Variants in SEMA5A observed in about 807,000 individuals in gnomAD.
SEMA5A encodes semaphorin 5A, also known as semaphorin-5A.
SEMA5A carries 55 observed loss-of-function variants against 135.5 expected under a neutral mutation model. That is an observed-to-expected ratio of 0.41 (90% CI 0.33 to 0.51). The LOEUF (loss-of-function observed/expected upper bound fraction) is 0.51. Among genes scored for constraint, SEMA5A ranks in the 20% least tolerant of loss-of-function variants. The pLI is 0.37. For synonymous variants in SEMA5A, 580 were observed against 546.5 expected (o/e 1.06, Z -0.85); for missense variants, 1,290 against 1,419.9 (o/e 0.91, Z 1.47).
chr5:9,407,766 T>A (rs1430941223), intron 2 of SEMA5A, among the ~76,000 whole-genome samples: 1 of 152,204 alleles, frequency 6.6e-6, no homozygotes, highest in Non-Finnish European at 1.5e-5. Context: ...TCCTTATCAG[T>A]TGATGCAGTG....
At chr5:9,097,191 T>A (rs541731662) in intron 16 of SEMA5A, among the ~76,000 whole-genome samples, 2 of 152,284 alleles carry the variant, frequency 1.3e-5, no homozygotes, top group African/African-American at 4.8e-5. Flanking sequence ...GCCTCACAAG[T>A]AGTAATACTG....
chr5:9,348,126 A>G (rs1753957975), intron 3 of SEMA5A, among the ~76,000 whole-genome samples: 1 of 152,218 alleles, frequency 6.6e-6, no homozygotes, highest in Non-Finnish European at 1.5e-5. Flanking sequence ...AAGTGCAAAG[A>G]GACACTAGTG....
chr5:9,292,363 A>T (rs1048541530), intron 5 of SEMA5A, among the ~76,000 whole-genome samples: 2 of 152,206 alleles, frequency 1.3e-5, no homozygotes, highest in Non-Finnish European at 2.9e-5. Context: ...AACCTTAAGG[A>T]AAACATTACT....
intron 2 of SEMA5A, among the ~76,000 whole-genome samples, chr5:9,405,752 G>T (rs770380336): frequency 3.3e-5 from 5 of 152,190 alleles, no homozygotes; most frequent in Non-Finnish European, 7.3e-5. Flanking sequence ...CTTTTAAATG[G>T]AGGGACTTCG....
At chr5:9,483,508 G>C (rs913938859) in intron 1 of SEMA5A, among the ~76,000 whole-genome samples, 1 of 152,140 alleles carries the variant, frequency 6.6e-6, no homozygotes, top group African/African-American at 2.4e-5. Context: ...GCATAAAGAG[G>C]TACTATGCAT....
chr5:9,232,337 A>G (rs1309142962), intron 6 of SEMA5A, among the ~76,000 whole-genome samples: 1 of 152,180 alleles, frequency 6.6e-6, no homozygotes, highest in African/African-American at 2.4e-5. Context: ...AGTGAAATCA[A>G]TGTGTCCTCT....
At chr5:9,481,252 A>C (rs1273462778) in intron 1 of SEMA5A, among the ~76,000 whole-genome samples, 1 of 152,160 alleles carries the variant, frequency 6.6e-6, no homozygotes, top group African/African-American at 2.4e-5. Context: ...GGCCCAAAAC[A>C]TAGTATTAAA....
chr5:9,402,624 C>CCTG (rs1293007459), intron 2 of SEMA5A, among the ~76,000 whole-genome samples: 15 of 152,064 alleles, frequency 9.9e-5, no homozygotes, highest in South Asian at 4.1e-4. Flanking sequence ...GTACCATCTA[C>CCTG]TCATCAAGGT....
intron 16 of SEMA5A, among the ~76,000 whole-genome samples, chr5:9,092,325 G>A (rs1274555692): frequency 6.6e-6 from 1 of 152,210 alleles, no homozygotes; most frequent in Non-Finnish European, 1.5e-5. Context: ...TTATTTACAG[G>A]AGGAAGCTCA....
intron 11 of SEMA5A, among the ~76,000 whole-genome samples, chr5:9,156,387 T>G (rs1388933244): frequency 6.6e-6 from 1 of 152,096 alleles, no homozygotes; most frequent in East Asian, 1.9e-4. Context: ...GAAGGTGACA[T>G]CAGCTCACAT....
intron 1 of SEMA5A, among the ~76,000 whole-genome samples, chr5:9,462,783 C>T (rs1759105104): frequency 6.6e-6 from 1 of 152,080 alleles, no homozygotes; most frequent in African/African-American, 2.4e-5. Flanking sequence ...AGTGAGAACA[C>T]ATGGACACAA....
chr5:9,290,413 C>T (rs963648312), intron 5 of SEMA5A, among the ~76,000 whole-genome samples: 1 of 152,072 alleles, frequency 6.6e-6, no homozygotes, highest in Non-Finnish European at 1.5e-5. Flanking sequence ...CATATATATA[C>T]ACTACATTTT....
At chr5:9,064,088 T>C (rs1407416116) in intron 17 of SEMA5A, among the ~76,000 whole-genome samples, 1 of 152,194 alleles carries the variant, frequency 6.6e-6, no homozygotes, top group African/African-American at 2.4e-5. Context: ...AACTCTGTTG[T>C]TTACTTAGAA....
At chr5:9,213,163 C>T (rs916711461) in intron 8 of SEMA5A, among the ~76,000 whole-genome samples, 1 of 152,184 alleles carries the variant, frequency 6.6e-6, no homozygotes, top group Non-Finnish European at 1.5e-5. Context: ...TCTCAAATGC[C>T]TCACCTCGTA....
intron 8 of SEMA5A, among the ~76,000 whole-genome samples, chr5:9,212,416 G>A (rs952807703): frequency 3.3e-5 from 5 of 152,150 alleles, no homozygotes; most frequent in Non-Finnish European, 7.4e-5. Flanking sequence ...AGCGACTTTG[G>A]CACAGGAGAA....
chr5:9,128,742 C>A (rs1272447021), intron 13 of SEMA5A, among the ~76,000 whole-genome samples: 1 of 152,146 alleles, frequency 6.6e-6, no homozygotes, highest in Non-Finnish European at 1.5e-5. Context: ...CAAAGAATCC[C>A]TAGCTACTTA....
Position 9,256,468 on chromosome 5 carries a change from A to T in SEMA5A, c.271-18578T>A, listed in dbSNP as rs149082451. On this transcript the variant is annotated intron_variant, in intron 5 of 22. Transcript: ENST00000382496. ...TTCCCTCACCTGTGCCTGACTCCTC[A>T]ATATTCAGATATTGACTCAACTGCC... Among the ~76,000 whole-genome samples, 430 of 152,234 alleles carry T rather than the reference A, an allele frequency of 2.8e-3. 6 individuals are homozygous for T. Among genetic ancestry groups the T allele is most frequent in the African/African-American group, 0.01 (417 of 41,544 alleles).
intron 5 of SEMA5A, among the ~76,000 whole-genome samples, chr5:9,262,898 A>T (rs76709557): frequency 5.5e-5 from 3 of 54,130 alleles, no homozygotes; most frequent in Non-Finnish European, 1.5e-4. Flanking sequence ...GATTATAATA[A>T]AAAAAAAAAA....
At chr5:9,531,065 G>A (rs1286967154) in intron 1 of SEMA5A, among the ~76,000 whole-genome samples, 2 of 152,266 alleles carry the variant, frequency 1.3e-5, no homozygotes, top group South Asian at 2.1e-4. Flanking sequence ...ATCTTGCAAT[G>A]AAGATGAATA....
Sources: gnomAD v4.1 joint callset for allele counts (sites outside exome capture counted in the v4.1 genomes callset) on GRCh38, gnomAD v4.1.1 for gene constraint, MANE v1.5 for transcripts, NCBI Gene and HGNC (gene_info 2026-07-23, HGNC 2026-07-21) for gene names.